The following C12orf50 variants were observed in gnomAD, a reference collection of about 807,000 sequenced individuals.
C12orf50 encodes uncharacterized protein C12orf50.
C12orf50 carries 35 observed loss-of-function variants against 61.6 expected under a neutral mutation model. The ratio of observed to expected loss-of-function variants is 0.57; its 90% CI spans 0.43 to 0.75. C12orf50 has a LOEUF of 0.75. C12orf50 is among the 30% of genes least tolerant of loss of function. The pLI is 0.00. For synonymous variants in C12orf50, 178 were observed against 161.5 expected, an observed-to-expected ratio of 1.10 and a Z score of -0.77; for missense variants, 475 against 488.5, an observed-to-expected ratio of 0.97 and a Z score of 0.26.
chr12:88,012,658 C>T (rs1362656875), intron 3 of C12orf50, among the ~76,000 whole-genome samples: 1 of 152,146 alleles, frequency 6.6e-6, no homozygotes, highest in African/African-American at 2.4e-5. Flanking sequence ...CTTCTTTGTA[C>T]TATTTTTGCA....
chr12:87,997,667 G>A (rs1329618230), intron 4 of C12orf50, among the ~76,000 whole-genome samples: 2 of 152,024 alleles, frequency 1.3e-5, no homozygotes, highest in Non-Finnish European at 2.9e-5. Flanking sequence ...GTGGTGTTTG[G>A]TTTTCCATTC....
intron 10 of C12orf50, 39 bp from the exon 11 acceptor site, chr12:87,986,092 G>C: frequency 3.8e-6 from 6 of 1,591,030 alleles, no homozygotes; most frequent in Non-Finnish European, 3.4e-6. Context: ...AATAAAACAG[G>C]CTGGTTTCAC....
chr12:87,996,347 T>C, intron 6 of C12orf50, 27 bp downstream of exon 6: 1 of 1,450,360 alleles, frequency 6.9e-7, no homozygotes, highest in South Asian at 1.1e-5. Flanking sequence ...TATAGATCAC[T>C]ATGAATGCTG....
At chr12:88,017,624 A>G (rs1375332165) in intron 3 of C12orf50, among the ~76,000 whole-genome samples, 1 of 152,194 alleles carries the variant, frequency 6.6e-6, no homozygotes, top group African/African-American at 2.4e-5. Flanking sequence ...GCTCAGAATA[A>G]CACAGAAAAA....
chr12:87,997,916 T>A, intron 4 of C12orf50, 119 bp downstream of exon 4: 2 of 697,968 alleles, frequency 2.9e-6, no homozygotes, highest in African/African-American at 3.6e-5. Flanking sequence ...CAATTATAGT[T>A]ATTTTCTCAG....
Position 87,986,056 on chromosome 12 carries a change from G to A in C12orf50, c.923-3C>T, listed in dbSNP as rs1259712632. On this transcript the variant is annotated splice_polypyrimidine_tract_variant and splice_region_variant and intron_variant, in intron 10 of 12. Transcript: ENST00000298699. Reference sequence around the variant, plus strand: ...TTGGGGTCTTGGGGCCTGTACTGCTGTAAAGAAAGGTGGGAGGGAGTGAGG... The same window carrying A: ...TTGGGGTCTTGGGGCCTGTACTGCTATAAAGAAAGGTGGGAGGGAGTGAGG... 6.2e-7 allele frequency: 1 copy of A among 1,613,044 alleles called. No homozygotes were observed. Among genetic ancestry groups the A allele is most frequent in the Admixed American group, 1.7e-5 (1 of 59,926 alleles).
chr12:87,980,236 CTTGAGTATCTCATTCT>C lies in C12orf50; in HGVS notation c.*79_*94del. 8.0e-7 allele frequency: 1 copy of C among 1,251,094 alleles called. No individual in the cohort carries two copies. The highest frequency in any genetic ancestry group is 1.2e-6 in the Non-Finnish European group (1 of 862,874). The allele number at this position is 1,251,094 out of a possible 1,614,324, so 77.5% of individuals were successfully genotyped here. ...GCTATCCACTACATAACATGGAGTA[CTTGAGTATCTCATTCT>C]TTGAATTTTCATTTTTGATTGTAAA... On this transcript the variant is annotated 3_prime_UTR_variant, in exon 13 of 13. Transcript: ENST00000298699.
At chr12:88,016,757 G>A (rs1472380342) in intron 3 of C12orf50, among the ~76,000 whole-genome samples, 1 of 152,186 alleles carries the variant, frequency 6.6e-6, no homozygotes, top group African/African-American at 2.4e-5. Context: ...AAAGATTCTT[G>A]CTCTTATGGT....
intron 7 of C12orf50, among the ~76,000 whole-genome samples, chr12:87,994,052 T>C (rs1333145188): frequency 2.6e-5 from 4 of 151,706 alleles, no homozygotes; most frequent in African/African-American, 9.7e-5. Flanking sequence ...ATACAAAAAT[T>C]AGCCGGGTGT....
At chr12:87,983,428 C>G in intron 11 of C12orf50, 1 of 254,252 alleles carries the variant, frequency 3.9e-6, no homozygotes, top group Non-Finnish European at 7.6e-6. Context: ...TTTTAGGGTA[C>G]ATGTGCACAA....
At chr12:88,029,205 C>T (rs2032815059) in intron 1 of C12orf50, 135 bp downstream of exon 1, 1 of 846,624 alleles carries the variant, frequency 1.2e-6, no homozygotes, top group Non-Finnish European at 1.7e-6. Flanking sequence ...CAAGAACTAT[C>T]AGTGTGTAAG....
At position 88,029,013 on chromosome 12, in the gene C12orf50, C is replaced by T. The variant is rs1592693085; in HGVS notation, c.-109+327G>A. The T allele has an allele frequency of 2.9e-6, 3 of 1,020,922 alleles. No homozygotes were observed. The South Asian group carries it at 5.5e-5, about 19-fold the overall frequency. The allele number at this position is 1,020,922 out of a possible 1,614,324, so 63.2% of individuals were successfully genotyped here. The stretch of plus-strand genomic sequence containing the variant: ...TACAAGTTATTGCCATATCTCCCTT[C>T]ATTCTACTAAAAAGATTAAGCATGT... On this transcript the variant is annotated intron_variant, in intron 1 of 12. Coordinates refer to ENST00000298699, the MANE Select transcript of C12orf50 (RefSeq NM_152589.3).
upstream of C12orf50, chr12:88,029,526 C>T (rs1485186452): frequency 6.6e-6 from 1 of 152,278 alleles, no homozygotes; most frequent in Admixed American, 6.6e-5. Context: ...ATTTCCCTTA[C>T]TCAGTTTTAG....
intron 8 of C12orf50, 140 bp from the exon 9 acceptor site, chr12:87,988,106 G>T (rs2030925509): frequency 4.6e-6 from 2 of 430,888 alleles, no homozygotes; most frequent in South Asian, 1.4e-4. Flanking sequence ...TGAGAGAAAA[G>T]CATCATTAAC....
intron 1 of C12orf50, among the ~76,000 whole-genome samples, chr12:88,028,697 A>G (rs904220459): frequency 1.3e-5 from 2 of 152,144 alleles, no homozygotes; most frequent in Non-Finnish European, 2.9e-5. Flanking sequence ...TTGAATTATA[A>G]TGACTGGAAT....
chr12:88,014,434 T>C (rs1301045897), intron 3 of C12orf50, among the ~76,000 whole-genome samples: 2 of 152,166 alleles, frequency 1.3e-5, no homozygotes, highest in Non-Finnish European at 2.9e-5. Context: ...CCTGAGTAGC[T>C]GGGACTACAG....
At chr12:88,006,981 C>T (rs2031911847) in intron 3 of C12orf50, among the ~76,000 whole-genome samples, 1 of 152,132 alleles carries the variant, frequency 6.6e-6, no homozygotes, top group Non-Finnish European at 1.5e-5. Context: ...GCTGTATGCC[C>T]TTAGGACAAT....
intron 3 of C12orf50, among the ~76,000 whole-genome samples, chr12:88,004,781 A>G (rs372694145): frequency 2.6e-5 from 4 of 152,186 alleles, no homozygotes; most frequent in Middle Eastern, 3.2e-3. Flanking sequence ...TGACACAGTA[A>G]TAGAAAACAA....
rs139996714 is a variant in C12orf50, at chr12:88,023,210, T to A, written c.133+3278A>T. On this transcript the variant is annotated intron_variant, in intron 3 of 12. Transcript: ENST00000298699. ...AGTCTAGAAATAAAAGCCTCATGCC[T>A]GCAACCATCTAATCTTTGACAAAGG... Among the ~76,000 whole-genome samples, 6 of 152,104 alleles carry A rather than the reference T, an allele frequency of 3.9e-5. No individual in the cohort carries two copies. The East Asian group carries it at 1.2e-3, about 29-fold the overall frequency.
Sources: gnomAD v4.1 joint callset for allele counts (sites outside exome capture counted in the v4.1 genomes callset) on GRCh38, gnomAD v4.1.1 for gene constraint, MANE v1.5 for transcripts, NCBI Gene and HGNC (gene_info 2026-07-23, HGNC 2026-07-21) for gene names.